The following PHTF1 variants were observed in gnomAD, a reference collection of about 807,000 sequenced individuals.
PHTF1 encodes the protein putative homeodomain transcription factor 1.
In PHTF1, 88 loss-of-function variants were observed where a neutral mutation model predicts 102.4. The observed-to-expected ratio is 0.86, with a 90% CI of 0.72 to 1.03. The LOEUF (loss-of-function observed/expected upper bound fraction) is 1.03. PHTF1 is among the 50% of genes least tolerant of loss of function. The pLI, the probability that PHTF1 is intolerant of heterozygous loss-of-function variation, is 0.00. For missense variants in PHTF1, 814 were observed against 909.5 expected (o/e 0.89, Z 1.35); for synonymous variants, 289 against 305.2 (o/e 0.95, Z 0.55).
chr1:113,706,169 A>G lies in PHTF1; in HGVS notation c.1399-7T>C, dbSNP rs763565407. 3 of 1,586,548 alleles carry G rather than the reference A, an allele frequency of 1.9e-6. No individual in the cohort carries two copies. The highest frequency in any genetic ancestry group is 2.6e-6 in the Non-Finnish European group (3 of 1,167,646). On this transcript the variant is annotated splice_region_variant and splice_polypyrimidine_tract_variant and intron_variant, in intron 12 of 18. Transcript: ENST00000369604. ...CTTGCTGATAGGCATTGACCTGTGA[A>G]TTAATTTAAAATTTCCACCATTATT...
intron 3 of PHTF1, among the ~76,000 whole-genome samples, chr1:113,748,805 T>G (rs1049190264): frequency 2.6e-5 from 4 of 152,226 alleles, no homozygotes; most frequent in Non-Finnish European, 1.5e-5. Context: ...GTGCTGAGAT[T>G]ACAGGCGTGA....
chr1:113,750,637 T>A (rs1657918583), intron 3 of PHTF1, among the ~76,000 whole-genome samples: 1 of 149,910 alleles, frequency 6.7e-6, no homozygotes, highest in Non-Finnish European at 1.5e-5. Flanking sequence ...GGCAGGCAGA[T>A]CATGAAATCA....
intron 5 of PHTF1, among the ~76,000 whole-genome samples, chr1:113,730,172 G>C (rs1260634621): frequency 1.3e-5 from 2 of 151,960 alleles, no homozygotes; most frequent in African/African-American, 2.4e-5. Flanking sequence ...ATATCTGAAG[G>C]GAGAGCAGTC....
chr1:113,701,024 A>G (rs1160787476), intron 15 of PHTF1, 75 bp from the exon 16 acceptor site: 3 of 1,096,074 alleles, frequency 2.7e-6, no homozygotes, highest in Non-Finnish European at 4.0e-6. Flanking sequence ...TACTCTGTCA[A>G]TTTAAGAACA....
At chr1:113,757,506 C>A (rs1177320339) in intron 3 of PHTF1, among the ~76,000 whole-genome samples, 193 bp downstream of exon 3, 2 of 152,198 alleles carry the variant, frequency 1.3e-5, no homozygotes, top group East Asian at 3.8e-4. Flanking sequence ...CAACTCACTC[C>A]TTTCTGTTTT....
At chr1:113,708,000 A>C (rs988763773) in intron 11 of PHTF1, among the ~76,000 whole-genome samples, 3 of 152,174 alleles carry the variant, frequency 2.0e-5, no homozygotes, top group Non-Finnish European at 4.4e-5. Context: ...AGAAACAAAG[A>C]AGGTTAGTTG....
intron 3 of PHTF1, among the ~76,000 whole-genome samples, chr1:113,745,402 TA>T (rs1307215300): frequency 1.3e-5 from 2 of 152,232 alleles, no homozygotes; most frequent in African/African-American, 4.8e-5. Flanking sequence ...GTTAGAAAGT[TA>T]AAAAACCTAC....
chr1:113,754,965 T>C (rs936588261), intron 3 of PHTF1, among the ~76,000 whole-genome samples: 4 of 152,282 alleles, frequency 2.6e-5, no homozygotes, highest in Non-Finnish European at 4.4e-5. Context: ...TTTTCTCTTG[T>C]GCTCAGCACC....
At chr1:113,708,902 T>A (rs1650628304) in intron 11 of PHTF1, among the ~76,000 whole-genome samples, 1 of 152,158 alleles carries the variant, frequency 6.6e-6, no homozygotes, top group Non-Finnish European at 1.5e-5. Flanking sequence ...TTTAGATGAA[T>A]CTTCAGACTG....
At chr1:113,734,890 C>A (rs1321131379) in intron 5 of PHTF1, among the ~76,000 whole-genome samples, 3 of 152,146 alleles carry the variant, frequency 2.0e-5, no homozygotes, top group Non-Finnish European at 4.4e-5. Context: ...AGAAAGCAGG[C>A]CCTCACCAGA....
intron 5 of PHTF1, among the ~76,000 whole-genome samples, chr1:113,735,365 CAAAAAAA>C (rs749964684): frequency 7.0e-5 from 2 of 28,444 alleles, no homozygotes; most frequent in Admixed American, 7.4e-4. Flanking sequence ...GACTCTGTCT[CAAAAAAA>C]AAAAAAAAAA....
intron 5 of PHTF1, 134 bp downstream of exon 5, chr1:113,737,976 G>C: frequency 1.6e-6 from 1 of 632,356 alleles, no homozygotes. Context: ...ACCCCAAATG[G>C]CATATGTCTC....
chr1:113,725,038 A>G, intron 6 of PHTF1, 145 bp from the exon 7 acceptor site: 2 of 594,726 alleles, frequency 3.4e-6, no homozygotes, highest in Admixed American at 3.6e-5. Context: ...AAACTATGCA[A>G]GAACTTTCTG....
At chr1:113,736,611 TG>T (rs1655537949) in intron 5 of PHTF1, among the ~76,000 whole-genome samples, 1 of 151,616 alleles carries the variant, frequency 6.6e-6, no homozygotes, top group Non-Finnish European at 1.5e-5. Context: ...CTGGACGTGG[TG>T]GCGCACACCT....
At chr1:113,746,679 C>T (rs573105566) in intron 3 of PHTF1, among the ~76,000 whole-genome samples, 8 of 152,150 alleles carry the variant, frequency 5.3e-5, no homozygotes, top group Non-Finnish European at 1.0e-4. Context: ...TCACATACCT[C>T]TAAATCTACC....
At position 113,744,407 on chromosome 1, in the gene PHTF1, AT is replaced by A. The variant is rs1184590953; in HGVS notation, c.103-5609del. Among the ~76,000 whole-genome samples, 4 of 152,206 alleles carry A rather than the reference AT, an allele frequency of 2.6e-5. No individual in the cohort carries two copies. The East Asian group carries it at 7.7e-4, about 29-fold the overall frequency. ...ATTTCCTAGGGTGCTGAAATTTTCT[AT>A]TTTATTACAATCAAAAGAATTGAAC... On this transcript the variant is annotated intron_variant, in intron 3 of 18. Coordinates refer to ENST00000369604, the MANE Select transcript of PHTF1 (RefSeq NM_001323043.2).
At chr1:113,701,865 C>CAAAAAAAAAA (rs1649493232) in intron 15 of PHTF1, among the ~76,000 whole-genome samples, 1 of 63,896 alleles carries the variant, frequency 1.6e-5, no homozygotes, top group South Asian at 6.6e-4. Context: ...AAAAATCATT[C>CAAAAAAAAAA]AGAAGTGAAA....
chr1:113,724,980 A>C, intron 6 of PHTF1, 87 bp from the exon 7 acceptor site: 1 of 855,432 alleles, frequency 1.2e-6, no homozygotes, highest in Non-Finnish European at 1.8e-6. Flanking sequence ...TTATACTGAC[A>C]AATTACTACC....
chr1:113,755,554 T>G (rs567183850), intron 3 of PHTF1, among the ~76,000 whole-genome samples: 1 of 152,164 alleles, frequency 6.6e-6, no homozygotes, highest in Non-Finnish European at 1.5e-5. Flanking sequence ...GATTACCCTA[T>G]GAGAGAACGA....
Sources: gnomAD v4.1 joint callset for allele counts (sites outside exome capture counted in the v4.1 genomes callset) on GRCh38, gnomAD v4.1.1 for gene constraint, MANE v1.5 for transcripts, NCBI Gene and HGNC (gene_info 2026-07-23, HGNC 2026-07-21) for gene names.